PCSK6: variants seen among roughly 807,000 people sequenced by gnomAD.
PCSK6 encodes proprotein convertase subtilisin/kexin type 6, also known as paired basic amino acid cleaving enzyme 4.
PCSK6 carries 85 observed loss-of-function variants against 123.3 expected under a neutral mutation model. That is an observed-to-expected ratio of 0.69 (90% confidence interval 0.58 to 0.83). PCSK6 has a LOEUF of 0.83. Ranked by LOEUF, PCSK6 falls within the 40% of genes least tolerant of loss-of-function variation. PCSK6 has a pLI of 0.00. For synonymous variants in PCSK6, 508 were observed against 516.0 expected (o/e 0.98, Z 0.21); for missense variants, 1,191 against 1,282.3 (o/e 0.93, Z 1.09).
chr15:101,330,148 A>G (rs958174555), intron 15 of PCSK6, among the ~76,000 whole-genome samples: 2 of 152,124 alleles, frequency 1.3e-5, no homozygotes, highest in Non-Finnish European at 2.9e-5. Flanking sequence ...CAGCACTGAC[A>G]TCTTCCTTGT....
chr15:101,345,176 A>G (rs1030461543), intron 13 of PCSK6, among the ~76,000 whole-genome samples: 6 of 152,208 alleles, frequency 3.9e-5, no homozygotes, highest in Non-Finnish European at 5.9e-5. Context: ...CCGGACCATG[A>G]TTCTGTTCAC....
chr15:101,323,816 C>T (rs766352990), intron 17 of PCSK6, among the ~76,000 whole-genome samples: 15 of 151,932 alleles, frequency 9.9e-5, no homozygotes, highest in East Asian at 5.8e-4. Context: ...ACAGGGGTAA[C>T]GGCAGTGCCA....
intron 1 of PCSK6, among the ~76,000 whole-genome samples, chr15:101,484,602 G>C (rs571046889): frequency 1.3e-5 from 2 of 152,066 alleles, no homozygotes; most frequent in African/African-American, 4.8e-5. Context: ...TGTTGGCCAG[G>C]CTGGTCTCGA....
intron 2 of PCSK6, among the ~76,000 whole-genome samples, chr15:101,441,401 T>G (rs978551769): frequency 6.6e-6 from 1 of 152,036 alleles, no homozygotes; most frequent in East Asian, 1.9e-4. Flanking sequence ...GCCTTGCTCA[T>G]GCACAGGTCT....
intron 1 of PCSK6, among the ~76,000 whole-genome samples, chr15:101,476,563 A>T (rs1596378551): frequency 1.7e-5 from 1 of 59,408 alleles, no homozygotes; most frequent in African/African-American, 6.6e-5. Flanking sequence ...CATTTATATT[A>T]AAAAAAAAAA....
At chr15:101,346,507 G>A (rs1458928939) in intron 13 of PCSK6, 1 of 206,898 alleles carries the variant, frequency 4.8e-6, no homozygotes, top group African/African-American at 2.3e-5. Flanking sequence ...AAGTAGAAAT[G>A]CCTGTAGAGA....
chr15:101,427,011 C>G (rs890366913), intron 6 of PCSK6, among the ~76,000 whole-genome samples: 2 of 152,252 alleles, frequency 1.3e-5, no homozygotes, highest in Non-Finnish European at 2.9e-5. Flanking sequence ...CTGCTGCCCC[C>G]ACTTGCTCAG....
At chr15:101,451,979 G>A (rs961405967) in intron 1 of PCSK6, among the ~76,000 whole-genome samples, 1 of 152,170 alleles carries the variant, frequency 6.6e-6, no homozygotes, top group African/African-American at 2.4e-5. Context: ...ACATTTTGTT[G>A]TTATTTCTTA....
At chr15:101,340,748 C>T (rs1007823546) in intron 13 of PCSK6, among the ~76,000 whole-genome samples, 1 of 152,158 alleles carries the variant, frequency 6.6e-6, no homozygotes, top group African/African-American at 2.4e-5. Flanking sequence ...CTTCCACATA[C>T]TCACATGATC....
intron 1 of PCSK6, among the ~76,000 whole-genome samples, chr15:101,480,450 G>A (rs2057847073): frequency 1.3e-5 from 2 of 152,348 alleles, no homozygotes; most frequent in African/African-American, 4.8e-5. Context: ...TCTTGACACT[G>A]AGGGCATTGA....
At position 101,304,960 on chromosome 15, in the gene PCSK6, G is replaced by A. The variant is rs1387237314; in HGVS notation, c.*298C>T. On this transcript the variant is annotated 3_prime_UTR_variant, in exon 22 of 22. Transcript: ENST00000611716. ...GGTCTTGAAGATTCAGTAAACTTATGGTCCCAGAAGCTGCTCCAAAGCCAG... is the reference window on the plus strand; with the variant it reads ...GGTCTTGAAGATTCAGTAAACTTATAGTCCCAGAAGCTGCTCCAAAGCCAG... 1 of 351,962 alleles carries A rather than the reference G, an allele frequency of 2.8e-6. No homozygotes were observed. Among genetic ancestry groups the A allele is most frequent in the East Asian group, 5.1e-5 (1 of 19,522 alleles). 21.8% of individuals were successfully genotyped at this position (351,962 alleles called of 1,614,324 possible). A position where few individuals can be genotyped will look rare whatever the true frequency, so the allele number is the denominator to read the frequency against.
Position 101,382,160 on chromosome 15 carries a change from C to T in PCSK6, c.1464G>A (p.Val488=), listed in dbSNP as rs374025819. 2.9e-5 allele frequency: 47 copies of T among 1,613,114 alleles called. No homozygotes were observed. In the African/African-American group the frequency reaches 5.9e-4, roughly 20 times the overall value. Residue 488 remains valine, a synonymous_variant, in exon 11 of 22, where the codon GTG becomes GTA. Coordinates refer to ENST00000611716, the MANE Select transcript of PCSK6 (RefSeq NM_002570.5). The stretch of plus-strand genomic sequence containing the variant: ...GCACTGCTGTCCACTTCTTTGCCTC[C>T]ACAACGAGAGCTTCTGCGTCCACCA... ...FGLVDAEALV[V]EAKKWTAVPS... is the part of the protein sequence containing the mutation.
chr15:101,442,364 G>A (rs901322402), intron 2 of PCSK6, among the ~76,000 whole-genome samples: 2 of 152,068 alleles, frequency 1.3e-5, no homozygotes, highest in African/African-American at 4.8e-5. Flanking sequence ...AACCAATCCA[G>A]AAATATATTC....
At chr15:101,379,486 C>T (rs2041850139) in intron 11 of PCSK6, among the ~76,000 whole-genome samples, 1 of 152,204 alleles carries the variant, frequency 6.6e-6, no homozygotes, top group Non-Finnish European at 1.5e-5. Context: ...ATATCCCACG[C>T]AGTGCACACG....
chr15:101,339,386 T>G (rs1383652784), intron 13 of PCSK6, among the ~76,000 whole-genome samples: 1 of 152,260 alleles, frequency 6.6e-6, no homozygotes, highest in Non-Finnish European at 1.5e-5. Context: ...AGTGGAAGTT[T>G]CTTCCTTCTG....
intron 15 of PCSK6, among the ~76,000 whole-genome samples, chr15:101,326,712 G>C (rs1226273605): frequency 6.6e-6 from 1 of 152,250 alleles, no homozygotes; most frequent in African/African-American, 2.4e-5. Context: ...GACAGGGATG[G>C]CATGAGAAGG....
chr15:101,424,660 G>T (rs1436903294), intron 6 of PCSK6, among the ~76,000 whole-genome samples: 1 of 152,130 alleles, frequency 6.6e-6, no homozygotes, highest in Non-Finnish European at 1.5e-5. Context: ...AGTAGTTTGC[G>T]GTCAACTACA....
chr15:101,373,808 GC>G, intron 11 of PCSK6, among the ~76,000 whole-genome samples: 1 of 152,338 alleles, frequency 6.6e-6, no homozygotes, highest in South Asian at 2.1e-4. Flanking sequence ...CAAGTCGACT[GC>G]CAAGTAATTT....
rs1408446697 is a variant in PCSK6, at chr15:101,325,019, G to A, written c.2208C>T (p.Gly736=). The change falls in exon 17 of 22, where the codon GGC becomes GGT. Residue 736 remains glycine, a synonymous_variant. Transcript: ENST00000611716. Reference sequence around the variant, plus strand: ...GTCTTGCTGCTGTGTCCCCAAAGTAGCCCAAGGGGCACACACTCACGCACT... The same window carrying A: ...GTCTTGCTGCTGTGTCCCCAAAGTAACCCAAGGGGCACACACTCACGCACT... The part of the protein sequence containing the change: ...SRKCVSVCPL[G]YFGDTAARRC... The A allele has an allele frequency of 6.2e-7, 1 of 1,611,152 alleles. No homozygotes were observed.
Sources: allele counts gnomAD v4.1 joint callset (sites outside exome capture counted in the v4.1 genomes callset), GRCh38; gene constraint gnomAD v4.1.1; transcripts MANE v1.5; gene names NCBI Gene and HGNC (gene_info 2026-07-23, HGNC 2026-07-21).